Variants in PIK3C2G observed in about 807,000 individuals in gnomAD.
PIK3C2G encodes phosphatidylinositol 3-kinase C2 domain-containing subunit gamma.
In PIK3C2G, 168 loss-of-function variants were observed where a neutral mutation model predicts 181.1. That is an observed-to-expected ratio of 0.93 (90% CI 0.82 to 1.05). The LOEUF is 1.05. Ranked by LOEUF, PIK3C2G falls within the 50% of genes least tolerant of loss-of-function variation. PIK3C2G has a pLI of 0.00. For synonymous variants in PIK3C2G, 573 were observed against 592.2 expected (o/e 0.97, Z 0.47); for missense variants, 1,869 against 1,732.8 (o/e 1.08, Z -1.40).
Position 18,503,263 on chromosome 12 carries a change from C to A in PIK3C2G, c.3017-18C>A, listed in dbSNP as rs550573008. On this transcript the variant is annotated intron_variant, in intron 22 of 32. Coordinates refer to ENST00000538779, the MANE Select transcript of PIK3C2G (RefSeq NM_001288772.2). ...GTGATGAAGGAATTGTCTCTGTAAT[C>A]TTTTTTTTCTCTACCAGGATTGGTG... 6.4e-6 allele frequency: 10 copies of A among 1,571,150 alleles called. No homozygotes were observed. The African/African-American group carries it at 1.4e-4, about 22-fold the overall frequency.
In PIK3C2G at chr12:18,635,881, G is replaced by A. The variant is rs186691978; in HGVS notation, c.4183-4548G>A. On this transcript the variant is annotated intron_variant, in intron 31 of 32. Transcript: ENST00000538779. Reference sequence around the variant, plus strand: ...ATCCCATAGGCCCACTAGTCATTGTGCCTCTTTCTTGGTTGTAGGAGAAGC... The same window carrying A: ...ATCCCATAGGCCCACTAGTCATTGTACCTCTTTCTTGGTTGTAGGAGAAGC... 2.2e-3 allele frequency among the ~76,000 whole-genome samples: 336 copies of A among 152,238 alleles called. 2 individuals are homozygous for A. Among genetic ancestry groups the A allele is most frequent in the Non-Finnish European group, 9.1e-4 (62 of 68,012 alleles).
At chr12:18,459,839 G>A (rs999726057) in intron 18 of PIK3C2G, among the ~76,000 whole-genome samples, 3 of 152,152 alleles carry the variant, frequency 2.0e-5, no homozygotes, top group African/African-American at 7.2e-5. Flanking sequence ...TCGGCTCACT[G>A]CAACCTCTGC....
intron 18 of PIK3C2G, among the ~76,000 whole-genome samples, chr12:18,426,576 T>A (rs1945828741): frequency 1.3e-5 from 2 of 152,192 alleles, no homozygotes; most frequent in South Asian, 4.1e-4. Context: ...TTCAATGACC[T>A]AAGGATAAAA....
At chr12:18,382,886 T>A (rs542787498) in intron 14 of PIK3C2G, among the ~76,000 whole-genome samples, 1 of 152,054 alleles carries the variant, frequency 6.6e-6, no homozygotes, top group East Asian at 1.9e-4. Flanking sequence ...CAGAAAAATA[T>A]TTAACATGGA....
chr12:18,632,099 T>C (rs1453628726), intron 31 of PIK3C2G, among the ~76,000 whole-genome samples: 1 of 152,056 alleles, frequency 6.6e-6, no homozygotes, highest in Non-Finnish European at 1.5e-5. Context: ...AAATATCCTA[T>C]GGTGCACAGA....
rs374967198 is a variant in PIK3C2G at position 18,293,966 on chromosome 12, C to T, written c.985C>T (p.Pro329Ser). 1.0e-4 allele frequency: 162 copies of T among 1,600,890 alleles called. No homozygotes were observed. Among genetic ancestry groups the T allele is most frequent in the Non-Finnish European group, 1.3e-4 (152 of 1,168,532 alleles). Reference sequence around the variant, plus strand: ...TTTTTGCACAAATGACCAGCTACTCCCCAAAGATCATATTCTAAGTGTATG... The same window carrying T: ...TTTTTGCACAAATGACCAGCTACTCTCCAAAGATCATATTCTAAGTGTATG... ...LHFCTNDQLLPKDHILSVCGS... is the reference protein window; with the variant it reads ...LHFCTNDQLLSKDHILSVCGS... Residue 329 changes from proline to serine, a missense_variant, in exon 5 of 33, where the codon CCC (proline) becomes TCC (serine). Transcript: ENST00000538779.
chr12:18,539,819 T>C (rs767773716), intron 25 of PIK3C2G, among the ~76,000 whole-genome samples: 6 of 151,946 alleles, frequency 3.9e-5, no homozygotes, highest in Non-Finnish European at 8.8e-5. Flanking sequence ...TATGCAAAGA[T>C]ATTGGTTTCT....
At chr12:18,655,613 G>T in the PIK3C2G span, among the ~76,000 whole-genome samples, 1 of 152,132 alleles carries the variant, frequency 6.6e-6, no homozygotes, top group Non-Finnish European at 1.5e-5. Context: ...GACAAATACT[G>T]CCTCAGGCAG....
rs970735188 is a variant in PIK3C2G at position 18,343,293 on chromosome 12, C to T, written c.1396-34C>T. 36 of 1,163,780 alleles carry T rather than the reference C, an allele frequency of 3.1e-5. 1 individual carries two copies. The highest frequency in any genetic ancestry group is 3.9e-5 in the Non-Finnish European group (32 of 811,258). The allele number at this position is 1,163,780 out of a possible 1,614,324, so 72.1% of individuals were successfully genotyped here. A position where few individuals can be genotyped will look rare whatever the true frequency, so the allele number is the denominator to read the frequency against. On this transcript the variant is annotated intron_variant, in intron 9 of 32. Coordinates refer to ENST00000538779, the MANE Select transcript of PIK3C2G (RefSeq NM_001288772.2). ...TTGACTATTTTGTGAATTTGTTGTGCGAATAACAAGTATAATTTTACATTT... is the reference window on the plus strand; with the variant it reads ...TTGACTATTTTGTGAATTTGTTGTGTGAATAACAAGTATAATTTTACATTT...
intron 16 of PIK3C2G, among the ~76,000 whole-genome samples, chr12:18,401,043 T>C (rs1166014884): frequency 6.6e-6 from 1 of 152,098 alleles, no homozygotes; most frequent in Non-Finnish European, 1.5e-5. Flanking sequence ...AATGTGTTTA[T>C]ATGCAACAGG....
At chr12:18,715,036 T>C in the PIK3C2G span, 1 of 151,716 alleles carries the variant, frequency 6.6e-6, no homozygotes, top group Non-Finnish European at 1.5e-5. Context: ...TTGGCGATCA[T>C]ATGCAGTCCC....
At chr12:18,573,047 C>A (rs1946050404) in intron 29 of PIK3C2G, among the ~76,000 whole-genome samples, 1 of 152,090 alleles carries the variant, frequency 6.6e-6, no homozygotes, top group Non-Finnish European at 1.5e-5. Flanking sequence ...AGAATCACTG[C>A]ATGTATGATT....
At chr12:18,267,894 TCAC>T (rs1455273265) in intron 1 of PIK3C2G, among the ~76,000 whole-genome samples, 1 of 152,182 alleles carries the variant, frequency 6.6e-6, no homozygotes, top group Non-Finnish European at 1.5e-5. Context: ...AAATGCACAG[TCAC>T]CATAGATGCG....
chr12:18,353,236 G>T (rs370570336), intron 11 of PIK3C2G, among the ~76,000 whole-genome samples: 21 of 151,962 alleles, frequency 1.4e-4, no homozygotes, highest in African/African-American at 4.8e-4. Flanking sequence ...TTTACCTAAG[G>T]GTCCCTAGCA....
At chr12:18,601,157 A>G (rs1947686809) in intron 30 of PIK3C2G, among the ~76,000 whole-genome samples, 1 of 152,032 alleles carries the variant, frequency 6.6e-6, no homozygotes, top group Non-Finnish European at 1.5e-5. Flanking sequence ...ACTATACATA[A>G]TATATAATAC....
intron 1 of PIK3C2G, among the ~76,000 whole-genome samples, chr12:18,268,024 G>T (rs77183269): frequency 2.0e-5 from 3 of 152,264 alleles, no homozygotes; most frequent in Admixed American, 6.5e-5. Flanking sequence ...TTTTTAGGGC[G>T]GTGGAGGGAA....
chr12:18,454,314 A>T (rs1444831629), intron 18 of PIK3C2G, among the ~76,000 whole-genome samples: 1 of 152,198 alleles, frequency 6.6e-6, no homozygotes, highest in Non-Finnish European at 1.5e-5. Context: ...GGGAGGAGGC[A>T]GTGCAATTTT....
Position 18,553,274 on chromosome 12 carries a change from T to C in PIK3C2G, c.3590+6842T>C, listed in dbSNP as rs374911353. Among the ~76,000 whole-genome samples the C allele has an allele frequency of 2.6e-5, 4 of 152,290 alleles. No individual in the cohort carries two copies. In the East Asian group the frequency reaches 7.7e-4, roughly 29 times the overall value. ...TAAGATTTATTTTTTTTGCTTTGCA[T>C]ACAACTTCCTTTTAATATCATTAAT... On this transcript the variant is annotated intron_variant, in intron 26 of 32. Transcript: ENST00000538779.
At chr12:18,516,731 A>C (rs1942575592) in intron 24 of PIK3C2G, among the ~76,000 whole-genome samples, 1 of 151,934 alleles carries the variant, frequency 6.6e-6, no homozygotes, top group African/African-American at 2.4e-5. Context: ...TTTTGTGTGA[A>C]CAAGTCTAAA....
Sources: allele counts gnomAD v4.1 joint callset (sites outside exome capture counted in the v4.1 genomes callset), GRCh38; gene constraint gnomAD v4.1.1; transcripts MANE v1.5; gene names NCBI Gene and HGNC (gene_info 2026-07-23, HGNC 2026-07-21).